The following TENM1 variants were observed in gnomAD, a reference collection of about 807,000 sequenced individuals.
The protein encoded by TENM1 is teneurin transmembrane protein 1, also known as teneurin-1.
A neutral mutation model predicts 174.8 loss-of-function variants in TENM1; 35 were observed. That is an observed-to-expected ratio of 0.20 (90% CI 0.15 to 0.27). TENM1 has a LOEUF of 0.27. Among genes scored for constraint, TENM1 ranks in the 10% least tolerant of loss-of-function variants. The pLI is 1.00. For missense variants in TENM1, 1,633 were observed against 2,130.1 expected, an observed-to-expected ratio of 0.77 and a Z score of 4.59; for synonymous variants, 781 against 798.7, an observed-to-expected ratio of 0.98 and a Z score of 0.37.
Position 124,663,743 on chromosome X carries a change from G to A in TENM1, c.1168+7940C>T, listed in dbSNP as rs112900477. ...TTTCTTACTGCATCACAGGAAAGGT[G>A]TGTATTAGTTTTTTTTTTTTTTTTT... On this transcript the variant is annotated intron_variant, in intron 6 of 31. Transcript: ENST00000422452. Among the ~76,000 whole-genome samples, 947 of 105,557 alleles carry A rather than the reference G, an allele frequency of 9.0e-3. 10 individuals carry two copies. The highest frequency in any genetic ancestry group is 0.033 in the African/African-American group (912 of 27,465). The allele number at this position is 105,557 out of a possible 115,157, so 91.7% of individuals were successfully genotyped here.
At chrX:124,464,347 C>A (rs951482366) in intron 22 of TENM1, among the ~76,000 whole-genome samples, 1 of 111,954 alleles carries the variant, frequency 8.9e-6, no homozygotes, top group African/African-American at 3.2e-5. Flanking sequence ...CCCAAATACT[C>A]AATAAAAGCA....
At chrX:124,796,183 C>T (rs1188280961) in intron 3 of TENM1, among the ~76,000 whole-genome samples, 2 of 111,636 alleles carry the variant, frequency 1.8e-5, no homozygotes, top group Non-Finnish European at 3.8e-5. Flanking sequence ...TCCAGATTTA[C>T]TCTTTAAATC....
chrX:124,618,647 T>C (rs1186588503), intron 11 of TENM1, among the ~76,000 whole-genome samples: 2 of 112,196 alleles, frequency 1.8e-5, no homozygotes, highest in African/African-American at 6.5e-5. Flanking sequence ...CATCATTCTT[T>C]CTAGATCTGG....
intron 3 of TENM1, among the ~76,000 whole-genome samples, chrX:124,784,657 T>C (rs753006204): frequency 2.0e-3 from 225 of 111,721 alleles, no homozygotes; most frequent in Non-Finnish European, 3.2e-3. Flanking sequence ...TCTCCTGGGA[T>C]TTTAAAGTTG....
chrX:125,156,541 G>A, the TENM1 span, among the ~76,000 whole-genome samples: 1 of 112,132 alleles, frequency 8.9e-6, no homozygotes, highest in Non-Finnish European at 1.9e-5. Context: ...AGTTTGCTTA[G>A]GATAATGGCC....
At chrX:125,071,724 G>C in the TENM1 span, among the ~76,000 whole-genome samples, 1 of 111,111 alleles carries the variant, frequency 9.0e-6, no homozygotes, top group African/African-American at 3.3e-5. Context: ...ATACCTACCA[G>C]TGATAGGGCA....
At chrX:124,509,653 G>C (rs1171132632) in intron 18 of TENM1, among the ~76,000 whole-genome samples, 1 of 110,232 alleles carries the variant, frequency 9.1e-6, no homozygotes, top group Admixed American at 9.7e-5. Context: ...ATATTATACA[G>C]GGAAGGATAA....
At chrX:124,442,093 T>C (rs991786465) in intron 23 of TENM1, among the ~76,000 whole-genome samples, 8 of 112,286 alleles carry the variant, frequency 7.1e-5, no homozygotes, top group Admixed American at 5.7e-4. Context: ...TCATCGTCCC[T>C]GTCTTGCTGT....
chrX:124,892,694 A>G (rs984028714), intron 3 of TENM1, among the ~76,000 whole-genome samples: 2 of 111,843 alleles, frequency 1.8e-5, no homozygotes, highest in African/African-American at 6.5e-5. Context: ...AATGTTCCTA[A>G]GCTGATCCAT....
At chrX:124,556,642 T>C (rs972122643) in intron 14 of TENM1, among the ~76,000 whole-genome samples, 7 of 110,752 alleles carry the variant, frequency 6.3e-5, no homozygotes, top group East Asian at 2.8e-4. Flanking sequence ...CTGATTTGCC[T>C]CTTTCTAATT....
chrX:124,580,433 CACAT>C (rs1358664208), intron 11 of TENM1, among the ~76,000 whole-genome samples: 1 of 107,818 alleles, frequency 9.3e-6, no homozygotes, highest in Admixed American at 1.0e-4. Flanking sequence ...TACATATATA[CACAT>C]ACATATAGAT....
intron 14 of TENM1, among the ~76,000 whole-genome samples, chrX:124,550,820 G>A (rs369632942): frequency 4.6e-5 from 5 of 108,943 alleles, no homozygotes; most frequent in Admixed American, 1.9e-4. Flanking sequence ...GTGCAGTGGC[G>A]TGATCTCTGC....
At chrX:124,599,080 G>A (rs911779805) in intron 11 of TENM1, among the ~76,000 whole-genome samples, 16 of 111,303 alleles carry the variant, frequency 1.4e-4, no homozygotes, top group African/African-American at 5.2e-4. Flanking sequence ...ATAGGGTTCA[G>A]TGCTATCCAA....
the TENM1 span, among the ~76,000 whole-genome samples, chrX:125,199,557 T>C: frequency 8.9e-6 from 1 of 111,922 alleles, no homozygotes; most frequent in Admixed American, 9.5e-5. Flanking sequence ...AGTTGGCATA[T>C]ATGCATGTTT....
At chrX:124,571,742 G>C (rs1363566509) in intron 11 of TENM1, among the ~76,000 whole-genome samples, 1 of 111,561 alleles carries the variant, frequency 9.0e-6, no homozygotes, top group African/African-American at 3.2e-5. Context: ...AAATGGACGT[G>C]AGAAGAAATA....
intron 1 of TENM1, among the ~76,000 whole-genome samples, chrX:124,931,931 C>T (rs982507794): frequency 1.4e-4 from 16 of 110,800 alleles, no homozygotes; most frequent in Non-Finnish European, 3.8e-5. Flanking sequence ...AAAGGCCTTA[C>T]TTCCCCATAG....
chrX:124,789,017 T>C (rs911803826), intron 3 of TENM1, among the ~76,000 whole-genome samples: 4 of 112,461 alleles, frequency 3.6e-5, no homozygotes, highest in South Asian at 3.7e-4. Flanking sequence ...TCTACCTGGA[T>C]ATCCAGGCAT....
intron 16 of TENM1, among the ~76,000 whole-genome samples, chrX:124,524,740 A>G (rs1446448279): frequency 1.8e-5 from 2 of 110,213 alleles, no homozygotes. Context: ...TGACAAGACT[A>G]TTGCATTGGA....
chrX:124,629,452 C>G (rs1034394161), intron 11 of TENM1, among the ~76,000 whole-genome samples: 18 of 112,181 alleles, frequency 1.6e-4, no homozygotes, highest in African/African-American at 5.8e-4. Flanking sequence ...TTATCTTCTA[C>G]TTACAAAAGA....
Sources: gnomAD v4.1 joint callset for allele counts (sites outside exome capture counted in the v4.1 genomes callset) on GRCh38, gnomAD v4.1.1 for gene constraint, MANE v1.5 for transcripts, NCBI Gene and HGNC (gene_info 2026-07-23, HGNC 2026-07-21) for gene names.